The following MX1 variants were observed in gnomAD, a reference collection of about 807,000 sequenced individuals.
MX1 encodes the protein MX dynamin like GTPase 1, also known as interferon-induced GTP-binding protein Mx1.
A neutral mutation model predicts 66.4 loss-of-function variants in MX1; 66 were observed. That is an observed-to-expected ratio of 0.99 (90% CI 0.82 to 1.22). The LOEUF (loss-of-function observed/expected upper bound fraction) is 1.22. Among genes scored for constraint, MX1 ranks in the 50% most tolerant of loss-of-function variants. The pLI, the probability that MX1 is intolerant of heterozygous loss-of-function variation, is 0.00. For synonymous variants in MX1, 311 were observed against 318.1 expected, an observed-to-expected ratio of 0.98 and a Z score of 0.24; for missense variants, 787 against 834.3, an observed-to-expected ratio of 0.94 and a Z score of 0.70.
chr21:41,433,169 C>T (rs1037764913), intron 5 of MX1, among the ~76,000 whole-genome samples: 2 of 152,232 alleles, frequency 1.3e-5, no homozygotes, highest in Non-Finnish European at 2.9e-5. Flanking sequence ...CCCAGCCCAG[C>T]CCATTAGCAT....
At position 41,432,030 on chromosome 21, in the gene MX1, G is replaced by A. The variant is rs748121554; in HGVS notation, c.-21-20G>A. On this transcript the variant is annotated intron_variant, in intron 4 of 16. Coordinates refer to ENST00000398598, the MANE Select transcript of MX1 (RefSeq NM_002462.5). ...CACCCAGCTGCTTATCTGTTCAATA[G>A]GCATCTGCTTTATTTTAAGCTTACT... is the stretch of plus-strand genomic sequence containing the variant. The A allele has an allele frequency of 7.5e-6, 12 of 1,589,450 alleles. No individual in the cohort carries two copies. The highest frequency in any genetic ancestry group is 1.3e-5 in the African/African-American group (1 of 74,570).
intron 14 of MX1, among the ~76,000 whole-genome samples, chr21:41,450,683 A>G (rs921697460): frequency 2.0e-5 from 3 of 152,174 alleles, no homozygotes; most frequent in Non-Finnish European, 4.4e-5. Context: ...TTCAATCATA[A>G]AGATACTATA....
At chr21:41,428,877 C>G (rs968336978) in intron 3 of MX1, 1 of 152,210 alleles carries the variant, frequency 6.6e-6, no homozygotes, top group African/African-American at 2.4e-5. Context: ...ATATCATGGG[C>G]ACAAACCTGC....
At chr21:41,431,481 ATT>A (rs57746167) in intron 4 of MX1, among the ~76,000 whole-genome samples, 14 of 148,202 alleles carry the variant, frequency 9.4e-5, no homozygotes, top group East Asian at 2.0e-4. Context: ...GGCATATTCT[ATT>A]TTTTTTTTTT....
chr21:41,458,596 C>T lies in MX1; in HGVS notation c.1827C>T (p.Gly609=), dbSNP rs757760987. ...IIQFFMLQTY[G]QQLQKAMLQL... ...AGTTCTTCATGCTCCAGACGTACGG[C>T]CAGCAGCTTCAGAAGGCCATGCTGC... Residue 609 remains glycine (G), a synonymous_variant, in exon 17 of 17, where the codon GGC becomes GGT. Coordinates refer to ENST00000398598, the MANE Select transcript of MX1 (RefSeq NM_002462.5). The T allele has an allele frequency of 2.5e-6, 4 of 1,610,610 alleles. No homozygotes were observed. In the South Asian group the frequency reaches 4.4e-5, roughly 18 times the overall value.
At chr21:41,439,078 G>A (rs1347375328) in intron 7 of MX1, among the ~76,000 whole-genome samples, 2 of 151,918 alleles carry the variant, frequency 1.3e-5, no homozygotes, top group African/African-American at 4.8e-5. Flanking sequence ...ACAATTAGTG[G>A]ACCATAACCA....
At chr21:41,425,381 T>A (rs1224459961), upstream of MX1, among the ~76,000 whole-genome samples, 1 of 152,134 alleles carries the variant, frequency 6.6e-6, no homozygotes, top group Non-Finnish European at 1.5e-5. Flanking sequence ...AATAACCTTC[T>A]TAAGGGTGGG....
chr21:41,442,946 G>A (rs377205511), intron 10 of MX1, among the ~76,000 whole-genome samples: 1 of 152,332 alleles, frequency 6.6e-6, no homozygotes, highest in East Asian at 1.9e-4. Context: ...GGCACCAGGG[G>A]CTGGGAGAGA....
At position 41,435,821 on chromosome 21, in the gene MX1, T is replaced by A. The variant is rs745648309; in HGVS notation, c.106-16T>A. 4.4e-6 allele frequency: 7 copies of A among 1,595,062 alleles called. No individual in the cohort carries two copies. The South Asian group carries it at 6.6e-5, about 15-fold the overall frequency. ...TTTGCAGGCCATGAAGAATTCTCCATTTTTGTTTCCTCCAGGTGGCTGAGA... is the reference window on the plus strand; with the variant it reads ...TTTGCAGGCCATGAAGAATTCTCCAATTTTGTTTCCTCCAGGTGGCTGAGA... On this transcript the variant is annotated splice_polypyrimidine_tract_variant and intron_variant, in intron 5 of 16. Coordinates refer to ENST00000398598, the MANE Select transcript of MX1 (RefSeq NM_002462.5).
At chr21:41,447,997 G>A (rs2090712718) in intron 13 of MX1, among the ~76,000 whole-genome samples, 1 of 152,194 alleles carries the variant, frequency 6.6e-6, no homozygotes, top group Non-Finnish European at 1.5e-5. Flanking sequence ...CCAGAGTGTT[G>A]GGATTACGGG....
chr21:41,428,819 T>A (rs1160069986), intron 3 of MX1: 1 of 152,240 alleles, frequency 6.6e-6, no homozygotes, highest in African/African-American at 2.4e-5. Context: ...TAATGCTACC[T>A]AGTGAGTGCC....
intron 12 of MX1, 23 bp from the exon 13 acceptor site, chr21:41,445,977 A>G: frequency 6.2e-7 from 1 of 1,612,946 alleles, no homozygotes; most frequent in Non-Finnish European, 8.5e-7. Flanking sequence ...ATCCACTTAT[A>G]CTGATGTTTT....
intron 16 of MX1, among the ~76,000 whole-genome samples, chr21:41,457,290 T>A: frequency 6.6e-6 from 1 of 152,246 alleles, no homozygotes; most frequent in Non-Finnish European, 1.5e-5. Flanking sequence ...CATTTTTGTC[T>A]ATGGTGGTTT....
chr21:41,436,042 A>G lies in MX1; in HGVS notation c.298+13A>G. 2 of 1,613,500 alleles carry G rather than the reference A, an allele frequency of 1.2e-6. No homozygotes were observed. Among genetic ancestry groups the G allele is most frequent in the Non-Finnish European group, 1.7e-6 (2 of 1,179,600 alleles). Reference sequence around the variant, plus strand: ...CCCAGAGGCAGCGGTAAGAACTTACATTCTGTGTTAGTCTGCTCAGGCTGC... The same window carrying G: ...CCCAGAGGCAGCGGTAAGAACTTACGTTCTGTGTTAGTCTGCTCAGGCTGC... On this transcript the variant is annotated intron_variant, in intron 6 of 16. Transcript: ENST00000398598.
In MX1 at chr21:41,458,554, C is replaced by T; in HGVS notation, c.1785C>T (p.His595=). ...HQEASKRISS[H]IPLIIQFFML... ...AGGCCAGCAAGCGCATCTCCAGCCA[C>T]ATCCCTTTGATCATCCAGTTCTTCA... The change falls in exon 17 of 17, where the codon CAC becomes CAT. Residue 595 remains histidine, a synonymous_variant. Transcript: ENST00000398598. 1 of 1,597,346 alleles carries T rather than the reference C, an allele frequency of 6.3e-7. No individual in the cohort carries two copies. The highest frequency in any genetic ancestry group is 1.1e-5 in the South Asian group (1 of 89,390).
intron 15 of MX1, among the ~76,000 whole-genome samples, chr21:41,452,295 T>G (rs1415313882): frequency 3.9e-5 from 6 of 152,158 alleles, no homozygotes; most frequent in African/African-American, 1.4e-4. Flanking sequence ...GATATGACAA[T>G]CCTCGCCATC....
rs555364915 is a variant in MX1 at position 41,452,956 on chromosome 21, G to A, written c.1758+87G>A. 3.3e-6 allele frequency: 5 copies of A among 1,502,946 alleles called. No individual in the cohort carries two copies. In the African/African-American group the frequency reaches 5.6e-5, roughly 17 times the overall value. The allele number at this position is 1,502,946 out of a possible 1,614,324, so 93.1% of individuals were successfully genotyped here. Reference sequence around the variant, plus strand: ...TCTCTTTAGTCTTGCTCTCTCTGTAGGTGACGTTGGTCAGCTCTGTCGTTT... The same window carrying A: ...TCTCTTTAGTCTTGCTCTCTCTGTAAGTGACGTTGGTCAGCTCTGTCGTTT... On this transcript the variant is annotated intron_variant, in intron 16 of 16. Coordinates refer to ENST00000398598, the MANE Select transcript of MX1 (RefSeq NM_002462.5).
Position 41,432,123 on chromosome 21 carries a change from A to C in MX1, c.53A>C (p.His18Pro). Reference sequence around the variant, plus strand: ...AAAGCTGATCCAGCTGCTGCATCCCACCCTCTATTACTGAATGGAGATGCT... The same window carrying C: ...AAAGCTGATCCAGCTGCTGCATCCCCCCCTCTATTACTGAATGGAGATGCT... ...IAKADPAAAS[H>P]PLLLNGDATV... Residue 18 changes from histidine (H) to proline (P), a missense_variant, in exon 5 of 17, where the codon CAC (histidine) becomes CCC (proline). By Grantham distance (77) the His-to-Pro change is moderately conservative (BLOSUM62 -2). Transcript: ENST00000398598. The C allele has an allele frequency of 6.2e-7, 1 of 1,614,086 alleles. No homozygotes were observed. Among genetic ancestry groups the C allele is most frequent in the Non-Finnish European group, 8.5e-7 (1 of 1,180,020 alleles).
At chr21:41,442,673 C>G (rs2090553471) in intron 10 of MX1, 1 of 152,264 alleles carries the variant, frequency 6.6e-6, no homozygotes, top group African/African-American at 2.4e-5. Flanking sequence ...ACATCCTGTT[C>G]TGCACATTCA....
Sources: allele counts gnomAD v4.1 joint callset (sites outside exome capture counted in the v4.1 genomes callset), GRCh38; gene constraint gnomAD v4.1.1; transcripts MANE v1.5; gene names NCBI Gene and HGNC (gene_info 2026-07-23, HGNC 2026-07-21).